LY96: variants seen among roughly 807,000 people sequenced by gnomAD.
The protein encoded by LY96 is lymphocyte antigen 96.
LY96 carries 18 observed loss-of-function variants against 18.9 expected under a neutral mutation model. The observed-to-expected ratio is 0.95, with a 90% confidence interval of 0.66 to 1.41. The LOEUF is 1.41. LY96 is among the 40% of genes most tolerant of loss of function. The pLI is 0.00. For missense variants in LY96, 175 were observed against 182.4 expected (o/e 0.96, Z 0.23); for synonymous variants, 66 against 62.6 (o/e 1.06, Z -0.26).
the LY96 span, among the ~76,000 whole-genome samples, chr8:74,065,441 T>C: frequency 2.0e-5 from 3 of 152,236 alleles, no homozygotes; most frequent in African/African-American, 7.2e-5. Flanking sequence ...TTTGGTTGTA[T>C]TATTCTTATA....
the LY96 span, among the ~76,000 whole-genome samples, chr8:74,095,410 C>G: frequency 6.6e-6 from 1 of 152,156 alleles, no homozygotes; most frequent in African/African-American, 2.4e-5. Flanking sequence ...CTCCATCCCT[C>G]CCTATAGGTT....
chr8:74,074,538 G>A, the LY96 span, among the ~76,000 whole-genome samples: 2 of 151,744 alleles, frequency 1.3e-5, no homozygotes, highest in Non-Finnish European at 2.9e-5. Context: ...TTTGGGTCTG[G>A]TTTGCTCTTG....
chr8:74,004,649 T>A (rs1051430367), intron 1 of LY96, 147 bp from the exon 2 acceptor site: 10 of 755,984 alleles, frequency 1.3e-5, no homozygotes, highest in Non-Finnish European at 2.1e-5. Flanking sequence ...GATGTCATTC[T>A]TCTGGGGAGA....
At chr8:74,001,972 TTCCTTCCCTCCCTCCCTCCCTC>T (rs1816282110) in intron 1 of LY96, among the ~76,000 whole-genome samples, 1 of 113,574 alleles carries the variant, frequency 8.8e-6, no homozygotes, top group Non-Finnish European at 1.8e-5. Flanking sequence ...CCTTCCTTCC[TTCCTTCCCTCCCTCCCTCCCTC>T]CTTTCTTCCT....
chr8:74,098,320 A>G, the LY96 span, among the ~76,000 whole-genome samples: 1 of 152,144 alleles, frequency 6.6e-6, no homozygotes, highest in African/African-American at 2.4e-5. Context: ...GGTGCAAGCT[A>G]ATCATGCCAG....
chr8:74,039,214 A>C, the LY96 span, among the ~76,000 whole-genome samples: 6 of 152,212 alleles, frequency 3.9e-5, no homozygotes, highest in Admixed American at 1.3e-4. Context: ...TTCATTTAAA[A>C]ATTAAATTAT....
chr8:74,061,603 TAA>T, the LY96 span, among the ~76,000 whole-genome samples: 3 of 152,152 alleles, frequency 2.0e-5, no homozygotes, highest in Non-Finnish European at 4.4e-5. Flanking sequence ...TCAAAGTTGC[TAA>T]GAGAGTAAAT....
At chr8:74,090,871 T>G in the LY96 span, among the ~76,000 whole-genome samples, 1 of 152,224 alleles carries the variant, frequency 6.6e-6, no homozygotes, top group Non-Finnish European at 1.5e-5. Flanking sequence ...ATTTAGATAT[T>G]ATTTAAATGA....
At chr8:74,017,843 G>A (rs1284691916) in intron 3 of LY96, among the ~76,000 whole-genome samples, 1 of 152,106 alleles carries the variant, frequency 6.6e-6, no homozygotes, top group Non-Finnish European at 1.5e-5. Context: ...TTACAGACAA[G>A]CAAATGCTGA....
the LY96 span, chr8:74,056,339 C>A: frequency 2.9e-6 from 1 of 349,068 alleles, no homozygotes; most frequent in South Asian, 2.3e-5. Context: ...ACCAACAGGT[C>A]TGACAAATCC....
At chr8:74,066,209 T>C in the LY96 span, among the ~76,000 whole-genome samples, 1 of 152,070 alleles carries the variant, frequency 6.6e-6, no homozygotes, top group African/African-American at 2.4e-5. Flanking sequence ...TGTCCTCATA[T>C]GGCAGAAGGG....
the LY96 span, among the ~76,000 whole-genome samples, chr8:74,092,315 C>T: frequency 6.0e-4 from 92 of 152,140 alleles, 1 homozygote; most frequent in Non-Finnish European, 1.1e-3. Context: ...ACATTGCCCC[C>T]TTTAGCTAAA....
At chr8:74,070,306 C>T in the LY96 span, among the ~76,000 whole-genome samples, 31 of 151,968 alleles carry the variant, frequency 2.0e-4, no homozygotes, top group African/African-American at 5.5e-4. Flanking sequence ...TTAGCCAGGA[C>T]GGTCTCAATC....
At chr8:74,094,375 C>T in the LY96 span, among the ~76,000 whole-genome samples, 1 of 152,170 alleles carries the variant, frequency 6.6e-6, no homozygotes, top group Non-Finnish European at 1.5e-5. Context: ...ATTACACATG[C>T]ATCCTGTCTT....
chr8:74,093,387 A>G, the LY96 span, among the ~76,000 whole-genome samples: 287 of 152,354 alleles, frequency 1.9e-3, 7 homozygotes, highest in South Asian at 0.042. Flanking sequence ...CACATAGCAG[A>G]TGTTCAACAG....
At chr8:74,060,524 G>GT in the LY96 span, among the ~76,000 whole-genome samples, 2 of 152,194 alleles carry the variant, frequency 1.3e-5, no homozygotes, top group Admixed American at 6.5e-5. Flanking sequence ...AATCTGAGGT[G>GT]TTTTTTCTCT....
chr8:74,046,578 C>CA, the LY96 span, among the ~76,000 whole-genome samples: 15 of 151,778 alleles, frequency 9.9e-5, no homozygotes, highest in African/African-American at 3.4e-4. Context: ...ACCCCCCACG[C>CA]AAAAAAACCC....
chr8:73,997,617 G>A (rs1348999994), intron 1 of LY96, among the ~76,000 whole-genome samples: 1 of 152,078 alleles, frequency 6.6e-6, no homozygotes, highest in African/African-American at 2.4e-5. Flanking sequence ...GTCTAATTAG[G>A]GGGTCCTTCC....
intron 4 of LY96, among the ~76,000 whole-genome samples, chr8:74,028,397 G>A (rs1404795058): frequency 6.6e-6 from 1 of 152,128 alleles, no homozygotes; most frequent in Non-Finnish European, 1.5e-5. Context: ...ACAGTCTTCA[G>A]ATGAAAGCAC....
Sources: allele counts gnomAD v4.1 joint callset (sites outside exome capture counted in the v4.1 genomes callset), GRCh38; gene constraint gnomAD v4.1.1; transcripts MANE v1.5; gene names NCBI Gene and HGNC (gene_info 2026-07-23, HGNC 2026-07-21).